The following KCNE3 variants were observed in gnomAD, a reference collection of about 807,000 sequenced individuals.
KCNE3 encodes the protein potassium voltage-gated channel subfamily E regulatory subunit 3, also known as potassium voltage-gated channel subfamily E member 3.
Under a neutral mutation model 4.3 loss-of-function variants are expected in KCNE3, and 2 were observed. The ratio of observed to expected loss-of-function variants is 0.47; its 90% CI spans 0.19 to 1.48. The LOEUF is 1.48. Ranked by LOEUF, KCNE3 falls within the 40% of genes most tolerant of loss-of-function variation. The pLI is 0.25. For synonymous variants in KCNE3, 47 were observed against 52.0 expected (o/e 0.90, Z 0.41); for missense variants, 128 against 136.8 (o/e 0.94, Z 0.32).
intron 1 of KCNE3, among the ~76,000 whole-genome samples, chr11:74,462,591 A>G (rs949884908): frequency 1.3e-5 from 2 of 152,386 alleles, no homozygotes; most frequent in Non-Finnish European, 1.5e-5. Flanking sequence ...GGATATGAAC[A>G]CGGTCACAGA....
In KCNE3 at chr11:74,457,558, C is replaced by T; in HGVS notation, c.6G>A (p.Glu2=). M[E]TTNGTETWYE... The stretch of plus-strand genomic sequence containing the variant: ...ACCAGGTCTCCGTTCCATTGGTAGT[C>T]TCCATAGCAACAGGGATTGAGGTGG... The change falls in exon 3 of 3, where the codon GAG becomes GAA. Residue 2 remains glutamate (E), a synonymous_variant. Coordinates refer to ENST00000310128, the MANE Select transcript of KCNE3 (RefSeq NM_005472.5). 1 of 1,614,108 alleles carries T rather than the reference C, an allele frequency of 6.2e-7. No homozygotes were observed. Among genetic ancestry groups the T allele is most frequent in the East Asian group, 2.2e-5 (1 of 44,878 alleles).
chr11:74,459,612 TA>T (rs1172390148), intron 2 of KCNE3, among the ~76,000 whole-genome samples: 1 of 152,076 alleles, frequency 6.6e-6, no homozygotes, highest in Non-Finnish European at 1.5e-5. Context: ...TAATTCCCTA[TA>T]AACAAGGCCC....
In KCNE3 at chr11:74,457,365, G is replaced by C; in HGVS notation, c.199C>G (p.Leu67Val). 6.2e-7 allele frequency: 1 copy of C among 1,614,234 alleles called. No homozygotes were observed. Among genetic ancestry groups the C allele is most frequent in the South Asian group, 1.1e-5 (1 of 91,082 alleles). Residue 67 changes from leucine (L) to valine (V), a missense_variant, in exon 3 of 3, where the codon CTA becomes GTA. Physicochemically the swap from Leu to Val is conservative, Grantham distance 32. Transcript: ENST00000310128. ...AGGCTGCCCACAGTTACAGCAAATA[G>C]AAACATGACAAAGAGAATGTACATG... The part of the protein sequence containing the change: ...SYMYILFVMF[L>V]FAVTVGSLIL...
chr11:74,461,128 C>T (rs1168409418), intron 2 of KCNE3, among the ~76,000 whole-genome samples: 1 of 152,060 alleles, frequency 6.6e-6, no homozygotes, highest in Non-Finnish European at 1.5e-5. Context: ...CTTTGGTTTC[C>T]TCATCTACCA....
In KCNE3 at chr11:74,457,572, G is replaced by A. The variant is rs1247756402; in HGVS notation, c.-9C>T. 1.9e-6 allele frequency: 3 copies of A among 1,613,664 alleles called. No homozygotes were observed. Among genetic ancestry groups the A allele is most frequent in the East Asian group, 2.2e-5 (1 of 44,880 alleles). ...CCATTGGTAGTCTCCATAGCAACAGGGATTGAGGTGGGGGAAGACTCGGTA... is the reference window on the plus strand; with the variant it reads ...CCATTGGTAGTCTCCATAGCAACAGAGATTGAGGTGGGGGAAGACTCGGTA... On this transcript the variant is annotated 5_prime_UTR_variant, in exon 3 of 3. Coordinates refer to ENST00000310128, the MANE Select transcript of KCNE3 (RefSeq NM_005472.5).
At chr11:74,458,360 TG>T (rs1199857617) in intron 2 of KCNE3, among the ~76,000 whole-genome samples, 1 of 152,230 alleles carries the variant, frequency 6.6e-6, no homozygotes, top group African/African-American at 2.4e-5. Context: ...ACTGAGGCCT[TG>T]AGAGAATAAG....
chr11:74,461,091 G>A (rs1168089521), intron 2 of KCNE3, among the ~76,000 whole-genome samples: 1 of 152,134 alleles, frequency 6.6e-6, no homozygotes, highest in Non-Finnish European at 1.5e-5. Context: ...CTACTCTGAA[G>A]GAAATAAGTT....
chr11:74,456,830 T>C lies in KCNE3; in HGVS notation c.*422A>G, dbSNP rs1437209114. 1 of 221,388 alleles carries C rather than the reference T, an allele frequency of 4.5e-6. No homozygotes were observed. Among genetic ancestry groups the C allele is most frequent in the Non-Finnish European group, 9.1e-6 (1 of 109,386 alleles). The allele number at this position is 221,388 out of a possible 1,614,324, so 13.7% of individuals were successfully genotyped here. A position where few individuals can be genotyped will look rare whatever the true frequency, so the allele number is the denominator to read the frequency against. ...TGGTGGTGGTAAATCATATCTGTGA[T>C]ATGGGATAGTCATCACTGCTTCTCA... On this transcript the variant is annotated 3_prime_UTR_variant, in exon 3 of 3. Coordinates refer to ENST00000310128, the MANE Select transcript of KCNE3 (RefSeq NM_005472.5).
Position 74,456,419 on chromosome 11 carries a change from C to G in KCNE3, c.*833G>C, listed in dbSNP as rs901517968. On this transcript the variant is annotated 3_prime_UTR_variant, in exon 3 of 3. Coordinates refer to ENST00000310128, the MANE Select transcript of KCNE3 (RefSeq NM_005472.5). Reference sequence around the variant, plus strand: ...CTGCTTGCTTTGGAGGTAGTTTAGTCCTGTTGCCTGGCAATGTGGCTGGGA... The same window carrying G: ...CTGCTTGCTTTGGAGGTAGTTTAGTGCTGTTGCCTGGCAATGTGGCTGGGA... 6.6e-6 allele frequency: 1 copy of G among 151,634 alleles called. No individual in the cohort carries two copies. Among genetic ancestry groups the G allele is most frequent in the Non-Finnish European group, 1.5e-5 (1 of 67,966 alleles). The allele number at this position is 151,634 out of a possible 1,614,324, so 9.4% of individuals were successfully genotyped here.
At chr11:74,463,431 T>G (rs41313589) in intron 1 of KCNE3, among the ~76,000 whole-genome samples, 1 of 152,026 alleles carries the variant, frequency 6.6e-6, no homozygotes, top group Admixed American at 6.6e-5. Flanking sequence ...TGGTTCTCTA[T>G]GGGGCTCTGG....
intron 1 of KCNE3, among the ~76,000 whole-genome samples, chr11:74,466,436 G>A (rs1011128561): frequency 5.3e-5 from 8 of 152,140 alleles, no homozygotes; most frequent in Non-Finnish European, 1.0e-4. Context: ...CAAAGTGGAC[G>A]GATGCAAGGA....
chr11:74,462,582 G>C (rs1266149320), intron 1 of KCNE3, among the ~76,000 whole-genome samples: 1 of 152,232 alleles, frequency 6.6e-6, no homozygotes, highest in Non-Finnish European at 1.5e-5. Flanking sequence ...AGATAGACAG[G>C]ATATGAACAC....
chr11:74,459,113 G>A (rs1424049061), intron 2 of KCNE3, among the ~76,000 whole-genome samples: 1 of 152,066 alleles, frequency 6.6e-6, no homozygotes, highest in African/African-American at 2.4e-5. Context: ...CTGGCTTGGG[G>A]TTTACCTGCC....
At position 74,461,289 on chromosome 11, in the gene KCNE3, G is replaced by GTTTT. The variant is rs71869411; in HGVS notation, c.-41+662_-41+665dup. 4.6e-5 allele frequency among the ~76,000 whole-genome samples: 5 copies of GTTTT among 109,298 alleles called. No homozygotes were observed. In the East Asian group the frequency reaches 9.2e-4, roughly 20 times the overall value. 71.7% of individuals were successfully genotyped at this position (109,298 alleles called of 152,430 possible). A position where few individuals can be genotyped will look rare whatever the true frequency, so the allele number is the denominator to read the frequency against. The stretch of plus-strand genomic sequence containing the variant: ...AATGACTAAGATGGTATATTTTTAT[G>GTTTT]TTTTGTGTGTGTGTGTGTGTGTGTG... On this transcript the variant is annotated intron_variant, in intron 2 of 2. Coordinates refer to ENST00000310128, the MANE Select transcript of KCNE3 (RefSeq NM_005472.5).
intron 2 of KCNE3, among the ~76,000 whole-genome samples, chr11:74,459,590 A>G (rs1470606812): frequency 2.0e-5 from 3 of 152,014 alleles, no homozygotes; most frequent in African/African-American, 7.2e-5. Flanking sequence ...CTTGTCTCTG[A>G]AAAACCATAT....
rs557750053 is a variant in KCNE3, at chr11:74,457,234, C to T, written c.*18G>A. 2.5e-6 allele frequency: 4 copies of T among 1,611,148 alleles called. No homozygotes were observed. The African/African-American group carries it at 4.0e-5, about 16-fold the overall frequency. ...ATCCCCAGGTGTCTTGGTCTTCCAC[C>T]GTCCCAGCCCTCTCGTGTTAGATCA... On this transcript the variant is annotated 3_prime_UTR_variant, in exon 3 of 3. Transcript: ENST00000310128.
Position 74,457,303 on chromosome 11 carries a change from C to G in KCNE3, c.261G>C (p.Lys87Asn), listed in dbSNP as rs375856416. 2 of 1,614,096 alleles carry G rather than the reference C, an allele frequency of 1.2e-6. No individual in the cohort carries two copies. Among genetic ancestry groups the G allele is most frequent in the Non-Finnish European group, 1.7e-6 (2 of 1,180,038 alleles). ...LGYTRSRKVDKRSDPYHVYIK... is the reference protein window; with the variant it reads ...LGYTRSRKVDNRSDPYHVYIK... The stretch of plus-strand genomic sequence containing the variant: ...TATACACATGATAGGGGTCACTACG[C>G]TTGTCCACTTTGCGGGAGCGGGTGT... Residue 87 changes from lysine to asparagine, a missense_variant, in exon 3 of 3, where the codon AAG (lysine) becomes AAC (asparagine). By Grantham distance (94) the Lys-to-Asn change is moderately conservative. Coordinates refer to ENST00000310128, the MANE Select transcript of KCNE3 (RefSeq NM_005472.5).
intron 1 of KCNE3, among the ~76,000 whole-genome samples, chr11:74,463,078 G>A (rs1361799217): frequency 2.0e-5 from 3 of 152,062 alleles, no homozygotes; most frequent in South Asian, 2.1e-4. Context: ...TATCCCAGTC[G>A]AGCCAAACTG....
chr11:74,457,091 G>T lies in KCNE3; in HGVS notation c.*161C>A. On this transcript the variant is annotated 3_prime_UTR_variant, in exon 3 of 3. Coordinates refer to ENST00000310128, the MANE Select transcript of KCNE3 (RefSeq NM_005472.5). Reference sequence around the variant, plus strand: ...TTATGCACAAGGCTTCGGTCTACCAGCCCCTCTTCTCCCACCCCAGTGACG... The same window carrying T: ...TTATGCACAAGGCTTCGGTCTACCATCCCCTCTTCTCCCACCCCAGTGACG... 1 of 718,952 alleles carries T rather than the reference G, an allele frequency of 1.4e-6. No homozygotes were observed. The highest frequency in any genetic ancestry group is 2.4e-6 in the Non-Finnish European group (1 of 411,348). 44.5% of individuals were successfully genotyped at this position (718,952 alleles called of 1,614,324 possible).
Sources: allele counts gnomAD v4.1 joint callset (sites outside exome capture counted in the v4.1 genomes callset), GRCh38; gene constraint gnomAD v4.1.1; transcripts MANE v1.5; gene names NCBI Gene and HGNC (gene_info 2026-07-23, HGNC 2026-07-21).